Variants in PPP3CA observed in about 807,000 individuals in gnomAD.
The protein encoded by PPP3CA is protein phosphatase 3 catalytic subunit alpha, also known as CAM-PRP catalytic subunit.
A neutral mutation model predicts 66.5 loss-of-function variants in PPP3CA; 14 were observed. The ratio of observed to expected loss-of-function variants is 0.21; its 90% CI spans 0.14 to 0.33. The LOEUF (loss-of-function observed/expected upper bound fraction) is 0.33, where lower values mean the gene tolerates loss of function less well. Among genes scored for constraint, PPP3CA ranks in the 10% least tolerant of loss-of-function variants. The probability of loss-of-function intolerance (pLI) is 1.00; values close to 1 mark genes in which losing one functional copy is unlikely to be tolerated. For missense variants in PPP3CA, 317 were observed against 639.5 expected (o/e 0.50, Z 5.44); for synonymous variants, 232 against 226.2 (o/e 1.03, Z -0.23).
chr4:101,122,765 C>T (rs1416270916), intron 2 of PPP3CA, among the ~76,000 whole-genome samples: 1 of 152,072 alleles, frequency 6.6e-6, no homozygotes, highest in Non-Finnish European at 1.5e-5. Context: ...ATAAGGGTCT[C>T]AAATTCCAGC....
intron 2 of PPP3CA, among the ~76,000 whole-genome samples, chr4:101,143,523 G>A (rs901730329): frequency 8.6e-5 from 13 of 152,040 alleles, no homozygotes; most frequent in Middle Eastern, 3.4e-3. Flanking sequence ...AATCATAATG[G>A]CCTTGTCCCA....
chr4:101,248,109 T>C (rs1270388271), intron 1 of PPP3CA, among the ~76,000 whole-genome samples: 6 of 152,024 alleles, frequency 3.9e-5, no homozygotes, highest in African/African-American at 2.4e-5. Flanking sequence ...ATCTGTTGGT[T>C]GTTGGCAAGT....
chr4:101,336,620 T>C (rs893554264), intron 1 of PPP3CA, among the ~76,000 whole-genome samples: 2 of 143,320 alleles, frequency 1.4e-5, no homozygotes, highest in Admixed American at 1.4e-4. Flanking sequence ...TAATAGCAAA[T>C]GAGCTCTCTG....
chr4:101,150,269 G>C (rs1389590194), intron 2 of PPP3CA, among the ~76,000 whole-genome samples: 2 of 152,168 alleles, frequency 1.3e-5, no homozygotes, highest in African/African-American at 4.8e-5. Context: ...AGGTCTGATT[G>C]TCTGATGATT....
chr4:101,192,381 C>T (rs1724635616), intron 2 of PPP3CA, among the ~76,000 whole-genome samples: 1 of 152,136 alleles, frequency 6.6e-6, no homozygotes, highest in South Asian at 2.1e-4. Context: ...ATTCCAGCCA[C>T]AAACATGATT....
chr4:101,169,181 C>G (rs1723789823), intron 2 of PPP3CA, among the ~76,000 whole-genome samples: 1 of 152,190 alleles, frequency 6.6e-6, no homozygotes, highest in African/African-American at 2.4e-5. Context: ...CACTGAAGAT[C>G]AAACTGAGTG....
chr4:101,050,546 T>C (rs188034041), intron 10 of PPP3CA, among the ~76,000 whole-genome samples: 1 of 152,294 alleles, frequency 6.6e-6, no homozygotes, highest in East Asian at 1.9e-4. Flanking sequence ...TATTTCCATA[T>C]AATCCTCGCA....
At chr4:101,112,745 C>T (rs989117843) in intron 2 of PPP3CA, among the ~76,000 whole-genome samples, 1 of 152,142 alleles carries the variant, frequency 6.6e-6, no homozygotes, top group Admixed American at 6.6e-5. Flanking sequence ...AAACTCCCTC[C>T]ACTATCATCC....
At chr4:101,333,288 T>G (rs1034233083) in intron 1 of PPP3CA, among the ~76,000 whole-genome samples, 14,374 of 90,186 alleles carry the variant, frequency 0.16, 1,827 homozygotes, top group East Asian at 0.31. Context: ...TTTTTTTTTT[T>G]TTTTTTTTTT....
At chr4:101,233,085 G>A (rs1201910149) in intron 1 of PPP3CA, among the ~76,000 whole-genome samples, 1 of 151,636 alleles carries the variant, frequency 6.6e-6, no homozygotes, top group African/African-American at 2.4e-5. Flanking sequence ...TAACTCATAG[G>A]AAAACTATAA....
chr4:101,088,202 A>C lies in PPP3CA; in HGVS notation c.783-4939T>G, dbSNP rs1255292679. Among the ~76,000 whole-genome samples, 7 of 152,050 alleles carry C rather than the reference A, an allele frequency of 4.6e-5. No homozygotes were observed. In the East Asian group the frequency reaches 1.3e-3, roughly 29 times the overall value. ...CACATTTATAATGACGGCACTATTC[A>C]CTTTGTATTTTACTTGTCTGTTTCT... On this transcript the variant is annotated intron_variant, in intron 6 of 13. Coordinates refer to ENST00000394854, the MANE Select transcript of PPP3CA (RefSeq NM_000944.5).
chr4:101,281,061 G>T (rs527556381), intron 1 of PPP3CA, among the ~76,000 whole-genome samples: 1 of 152,256 alleles, frequency 6.6e-6, no homozygotes, highest in African/African-American at 2.4e-5. Flanking sequence ...TGTGTTCCGG[G>T]AGAGACAGTG....
At chr4:101,269,553 C>CGTGTGTGTGTGTGTGT (rs55721209) in intron 1 of PPP3CA, among the ~76,000 whole-genome samples, 15 of 135,980 alleles carry the variant, frequency 1.1e-4, no homozygotes, top group Middle Eastern at 3.9e-3. Context: ...AAACAAGGAA[C>CGTGTGTGTGTGTGTGT]GTGTGTGTGT....
intron 1 of PPP3CA, among the ~76,000 whole-genome samples, chr4:101,307,428 G>T (rs537843383): frequency 6.6e-6 from 1 of 152,170 alleles, no homozygotes; most frequent in Non-Finnish European, 1.5e-5. Flanking sequence ...CAAAAACCTA[G>T]CAAATCAGAT....
intron 13 of PPP3CA, among the ~76,000 whole-genome samples, chr4:101,027,418 C>T (rs1578384062): frequency 6.6e-6 from 1 of 152,140 alleles, no homozygotes; most frequent in African/African-American, 2.4e-5. Flanking sequence ...TTTCCCCCCT[C>T]TGCATTTTAA....
chr4:101,077,142 T>C (rs969777616), intron 8 of PPP3CA, among the ~76,000 whole-genome samples: 1 of 152,234 alleles, frequency 6.6e-6, no homozygotes, highest in African/African-American at 2.4e-5. Flanking sequence ...CATAACTTTC[T>C]GAATGCTATT....
intron 2 of PPP3CA, among the ~76,000 whole-genome samples, chr4:101,114,652 CTAAT>C (rs1476958321): frequency 1.3e-5 from 2 of 152,072 alleles, no homozygotes; most frequent in Non-Finnish European, 2.9e-5. Context: ...TAATCAACTA[CTAAT>C]TAAGGCCTAA....
chr4:101,345,816 G>A (rs906587267), intron 1 of PPP3CA, among the ~76,000 whole-genome samples: 2 of 152,178 alleles, frequency 1.3e-5, no homozygotes, highest in African/African-American at 2.4e-5. Context: ...CGAAGAGGAG[G>A]CAATAATAGG....
chr4:101,036,985 A>T (rs935095098), intron 11 of PPP3CA, among the ~76,000 whole-genome samples: 3 of 151,576 alleles, frequency 2.0e-5, no homozygotes, highest in Non-Finnish European at 4.4e-5. Context: ...CCGGAAATCT[A>T]TTCTGGCTAA....
Sources: gnomAD v4.1 joint callset for allele counts (sites outside exome capture counted in the v4.1 genomes callset) on GRCh38, gnomAD v4.1.1 for gene constraint, MANE v1.5 for transcripts, NCBI Gene and HGNC (gene_info 2026-07-23, HGNC 2026-07-21) for gene names.